Variants in CELF2 observed in about 807,000 individuals in gnomAD.
CELF2 encodes the protein CUGBP Elav-like family member 2.
Under a neutral mutation model 62.6 loss-of-function variants are expected in CELF2, and 8 were observed. The ratio of observed to expected loss-of-function variants is 0.13; its 90% confidence interval spans 0.07 to 0.23. The LOEUF is 0.23. Ranked by LOEUF, CELF2 falls within the 10% of genes least tolerant of loss-of-function variation. The pLI is 1.00. For synonymous variants in CELF2, 258 were observed against 250.0 expected (o/e 1.03, Z -0.30); for missense variants, 333 against 671.0 (o/e 0.50, Z 5.56).
rs937044242 is a variant in CELF2, at chr10:10,972,601, A to G, written c.89+52602A>G. Among the ~76,000 whole-genome samples the G allele has an allele frequency of 6.6e-6, 1 of 152,114 alleles. No homozygotes were observed. The highest frequency in any genetic ancestry group is 2.4e-5 in the African/African-American group (1 of 41,418). On this transcript the variant is annotated intron_variant, in intron 2 of 13. Transcript: ENST00000636488. The surrounding 1 kb of genome is among the most constrained non-coding windows in gnomAD (Gnocchi z 4.4). ...TCTCTTACGGGTTCAACCGTCTTCTACATATTGATGATTCTCAGTCCCGGT... is the reference window on the plus strand; with the variant it reads ...TCTCTTACGGGTTCAACCGTCTTCTGCATATTGATGATTCTCAGTCCCGGT...
the CELF2 span, among the ~76,000 whole-genome samples, chr10:10,636,459 C>A: frequency 6.6e-6 from 1 of 152,266 alleles, no homozygotes; most frequent in South Asian, 2.1e-4. Flanking sequence ...TATGTTAATG[C>A]TCTGTGCTAG....
chr10:10,878,961 C>A (rs2061279927), intron 1 of CELF2, among the ~76,000 whole-genome samples: 1 of 152,068 alleles, frequency 6.6e-6, no homozygotes, highest in South Asian at 2.1e-4. Context: ...AAGATTTCAT[C>A]CTTTACTTTT....
the CELF2 span, among the ~76,000 whole-genome samples, chr10:10,734,246 C>T: frequency 2.0e-5 from 3 of 152,186 alleles, no homozygotes; most frequent in Non-Finnish European, 2.9e-5. Flanking sequence ...CTTCCAACTT[C>T]ACAACTTGCT....
At chr10:10,657,392 G>GTA in the CELF2 span, among the ~76,000 whole-genome samples, 65,898 of 151,172 alleles carry the variant, frequency 0.44, 14,702 homozygotes, top group South Asian at 0.69. Flanking sequence ...ATATTTAAAA[G>GTA]TATATACATA....
intron 2 of CELF2, among the ~76,000 whole-genome samples, chr10:11,170,204 T>G (rs1236781141): frequency 6.6e-6 from 1 of 152,206 alleles, no homozygotes; most frequent in African/African-American, 2.4e-5. Flanking sequence ...TGACTCTGCC[T>G]CAGGTCTGTG....
rs2065782790 is a variant in CELF2, at chr10:10,928,708, G to A, written c.89+8709G>A. Reference sequence around the variant, plus strand: ...CCTTCTCTGCCCTGAAGAGATTTATGTTCCTTCTGTTGGTTCCCAAAGACC... The same window carrying A: ...CCTTCTCTGCCCTGAAGAGATTTATATTCCTTCTGTTGGTTCCCAAAGACC... On this transcript the variant is annotated intron_variant, in intron 2 of 13. Transcript: ENST00000636488. The surrounding 1 kb of genome is among the most constrained non-coding windows in gnomAD (Gnocchi z 4.8). Among the ~76,000 whole-genome samples, 1 of 152,128 alleles carries A rather than the reference G, an allele frequency of 6.6e-6. No individual in the cohort carries two copies. The highest frequency in any genetic ancestry group is 6.5e-5 in the Admixed American group (1 of 15,276).
In CELF2 at chr10:11,297,131, G is replaced by T. The variant is rs2093273803; in HGVS notation, c.976+8579G>T. Among the ~76,000 whole-genome samples the T allele has an allele frequency of 6.6e-6, 1 of 152,218 alleles. No homozygotes were observed. Among genetic ancestry groups the T allele is most frequent in the African/African-American group, 2.4e-5 (1 of 41,462 alleles). On this transcript the variant is annotated intron_variant, in intron 9 of 12. Coordinates refer to ENST00000633077, the MANE Select transcript of CELF2 (RefSeq NM_001326342.2). This position sits in a 1 kb window ranked among gnomAD's most constrained non-coding sequence, Gnocchi z 4.4. Reference sequence around the variant, plus strand: ...GAGGAAAAATGATATGGTGTGTTGGGCCTGGGTGGCCAGTGGAGCATTGCT... The same window carrying T: ...GAGGAAAAATGATATGGTGTGTTGGTCCTGGGTGGCCAGTGGAGCATTGCT...
Position 11,191,514 on chromosome 10 carries a change from G to A in CELF2, c.271+25832G>A, listed in dbSNP as rs963346710. Among the ~76,000 whole-genome samples, 10 of 152,172 alleles carry A rather than the reference G, an allele frequency of 6.6e-5. No homozygotes were observed. The highest frequency in any genetic ancestry group is 2.2e-4 in the African/African-American group (9 of 41,444). ...TCAGCTACCAACCTTGTGGTCTCGG[G>A]AAAGTGACCTATCAAGGGGGCATAC... is the stretch of plus-strand genomic sequence containing the variant. On this transcript the variant is annotated intron_variant, in intron 2 of 12. Coordinates refer to ENST00000633077, the MANE Select transcript of CELF2 (RefSeq NM_001326342.2). This position sits in a 1 kb window ranked among gnomAD's most constrained non-coding sequence, Gnocchi z 4.1.
At chr10:11,206,065 T>C (rs1321822084) in intron 2 of CELF2, among the ~76,000 whole-genome samples, 1 of 152,204 alleles carries the variant, frequency 6.6e-6, no homozygotes, top group Non-Finnish European at 1.5e-5. Context: ...CAAATAACCC[T>C]TTTGAGAGTT....
At chr10:10,861,699 A>C (rs1029230231) in intron 1 of CELF2, among the ~76,000 whole-genome samples, 1 of 152,184 alleles carries the variant, frequency 6.6e-6, no homozygotes, top group African/African-American at 2.4e-5. Flanking sequence ...CTGTTTTAGA[A>C]ATCACTTTAA....
upstream of CELF2, among the ~76,000 whole-genome samples, chr10:10,794,313 TA>T (rs1483413378): frequency 6.6e-6 from 1 of 151,824 alleles, no homozygotes; most frequent in African/African-American, 2.4e-5. Flanking sequence ...AGAGAGAGCT[TA>T]CTCACCTGAG....
intron 2 of CELF2, among the ~76,000 whole-genome samples, chr10:10,984,223 C>T (rs1289306782): frequency 1.3e-5 from 2 of 152,168 alleles, no homozygotes; most frequent in Non-Finnish European, 2.9e-5. Flanking sequence ...GTCAGAGATC[C>T]GCTCCAAGCC....
chr10:10,865,449 T>A (rs537155864), intron 1 of CELF2, among the ~76,000 whole-genome samples: 39 of 152,270 alleles, frequency 2.6e-4, no homozygotes, highest in Non-Finnish European at 5.0e-4. Context: ...CAAGCTAATA[T>A]GCTTCTGATT....
chr10:10,869,423 A>G (rs867202192), intron 1 of CELF2, among the ~76,000 whole-genome samples: 2 of 152,208 alleles, frequency 1.3e-5, no homozygotes, highest in African/African-American at 4.8e-5. Flanking sequence ...TTAATTGGGC[A>G]TGGTGGTGTA....
At chr10:10,919,295 G>A (rs1254794030) in intron 1 of CELF2, among the ~76,000 whole-genome samples, 2 of 151,656 alleles carry the variant, frequency 1.3e-5, no homozygotes, top group Non-Finnish European at 2.9e-5. Flanking sequence ...GAAAGAAAAC[G>A]AAAGACAAGA....
chr10:10,998,313 ACT>A (rs2054177900), intron 2 of CELF2, among the ~76,000 whole-genome samples: 1 of 152,074 alleles, frequency 6.6e-6, no homozygotes, highest in Non-Finnish European at 1.5e-5. Flanking sequence ...GCCCTAGGCT[ACT>A]CTCTGCCTTG....
At chr10:10,905,305 A>G (rs886064845) in intron 1 of CELF2, among the ~76,000 whole-genome samples, 3 of 152,236 alleles carry the variant, frequency 2.0e-5, no homozygotes, top group Non-Finnish European at 4.4e-5. Context: ...GCAATTTTTC[A>G]GTATATTCGT....
At chr10:10,532,101 C>A in the CELF2 span, among the ~76,000 whole-genome samples, 2 of 152,252 alleles carry the variant, frequency 1.3e-5, no homozygotes, top group African/African-American at 4.8e-5. Flanking sequence ...GTGAAAGGTA[C>A]TCAAGTTCTT....
chr10:10,475,825 GGAGTGCATTTTTCTTT>G, the CELF2 span, among the ~76,000 whole-genome samples: 8 of 152,108 alleles, frequency 5.3e-5, no homozygotes, highest in Non-Finnish European at 8.8e-5. Flanking sequence ...TTAAGATCAT[GGAGTGCATTTTTCTTT>G]GAGTGGGCAG....
Sources: allele counts gnomAD v4.1 joint callset (sites outside exome capture counted in the v4.1 genomes callset), GRCh38; gene constraint gnomAD v4.1.1; non-coding constraint Gnocchi (gnomAD v3.1); transcripts MANE v1.5; gene names NCBI Gene and HGNC (gene_info 2026-07-23, HGNC 2026-07-21).